The following CMTM8 variants were observed in gnomAD, a reference collection of about 807,000 sequenced individuals.
The protein encoded by CMTM8 is CKLF like MARVEL transmembrane domain containing 8.
CMTM8 carries 12 observed loss-of-function variants against 18.6 expected under a neutral mutation model. The ratio of observed to expected loss-of-function variants is 0.65; its 90% CI spans 0.41 to 1.05. The LOEUF (loss-of-function observed/expected upper bound fraction) is 1.05, where lower values mean the gene tolerates loss of function less well. Among genes scored for constraint, CMTM8 ranks in the 50% least tolerant of loss-of-function variants. The probability of loss-of-function intolerance (pLI) is 0.00; values close to 1 mark genes in which losing one functional copy is unlikely to be tolerated. For missense variants in CMTM8, 217 were observed against 227.2 expected (o/e 0.95, Z 0.29); for synonymous variants, 87 against 90.6 (o/e 0.96, Z 0.23).
chr3:32,260,103 A>G (rs4245885), intron 1 of CMTM8: 293,710 of 1,039,582 alleles, frequency 0.28, 44,216 homozygotes, highest in Non-Finnish European at 0.31. Context: ...GATGGCGAGG[A>G]CTTCAATCTT....
At chr3:32,368,827 T>TA (rs58745528) in intron 3 of CMTM8, among the ~76,000 whole-genome samples, 49,593 of 151,646 alleles carry the variant, frequency 0.33, 8,240 homozygotes, top group East Asian at 0.53. Flanking sequence ...TTTTTCTAAT[T>TA]AAAAAAAACT....
At chr3:32,328,941 C>T (rs1210828339) in intron 1 of CMTM8, among the ~76,000 whole-genome samples, 2 of 152,154 alleles carry the variant, frequency 1.3e-5, no homozygotes, top group Admixed American at 6.5e-5. Flanking sequence ...AAAACTCTTA[C>T]AAAAAATTGA....
At chr3:32,368,273 A>G (rs992309603) in intron 3 of CMTM8, among the ~76,000 whole-genome samples, 3 of 152,206 alleles carry the variant, frequency 2.0e-5, no homozygotes, top group Non-Finnish European at 2.9e-5. Flanking sequence ...GAATAATTCT[A>G]CTGCCTATAA....
intron 3 of CMTM8, among the ~76,000 whole-genome samples, 175 bp downstream of exon 3, chr3:32,368,163 G>A (rs897201638): frequency 3.3e-5 from 5 of 152,212 alleles, no homozygotes; most frequent in African/African-American, 1.2e-4. Flanking sequence ...GGGCCCTCCT[G>A]GCCCGAAGTG....
At chr3:32,308,696 TG>T (rs1559375919) in intron 1 of CMTM8, among the ~76,000 whole-genome samples, 1 of 152,252 alleles carries the variant, frequency 6.6e-6, no homozygotes. Flanking sequence ...CTGCAAGTTA[TG>T]TATGAGGTAC....
intron 1 of CMTM8, chr3:32,259,555 CAAGAAGG>C: frequency 1.2e-6 from 1 of 830,092 alleles, no homozygotes; most frequent in South Asian, 1.3e-5. Flanking sequence ...TCGAGGCTCT[CAAGAAGG>C]AACTGCTCTT....
At chr3:32,256,186 C>A (rs1383506976) in intron 1 of CMTM8, among the ~76,000 whole-genome samples, 1 of 152,130 alleles carries the variant, frequency 6.6e-6, no homozygotes, top group Non-Finnish European at 1.5e-5. Flanking sequence ...GCAGCCTCAG[C>A]CTCCTGTGCA....
intron 1 of CMTM8, among the ~76,000 whole-genome samples, chr3:32,280,790 A>G (rs562805786): frequency 3.0e-4 from 42 of 139,494 alleles, no homozygotes; most frequent in Admixed American, 1.8e-3. Flanking sequence ...GGTGGAGTCG[A>G]CCCTACTCAA....
At chr3:32,242,896 T>C (rs2125526426) in intron 1 of CMTM8, among the ~76,000 whole-genome samples, 1 of 152,014 alleles carries the variant, frequency 6.6e-6, no homozygotes, top group African/African-American at 2.4e-5. Flanking sequence ...CTGGTTCAGT[T>C]GCCCAGGCTG....
chr3:32,367,613 G>A (rs985870282), intron 2 of CMTM8, among the ~76,000 whole-genome samples: 1 of 152,108 alleles, frequency 6.6e-6, no homozygotes, highest in East Asian at 1.9e-4. Flanking sequence ...GGAGCAAACC[G>A]AAGAAGCAAA....
intron 1 of CMTM8, among the ~76,000 whole-genome samples, chr3:32,281,367 G>A (rs1263434332): frequency 6.6e-6 from 1 of 152,152 alleles, no homozygotes; most frequent in Non-Finnish European, 1.5e-5. Context: ...ATCAAGGGGT[G>A]GTGTTGCTTG....
chr3:32,289,846 G>T (rs936279546), intron 1 of CMTM8, among the ~76,000 whole-genome samples: 1 of 152,178 alleles, frequency 6.6e-6, no homozygotes, highest in Non-Finnish European at 1.5e-5. Flanking sequence ...GGGGGAAAAA[G>T]GAGGCCAGTC....
At chr3:32,332,970 CAAG>C (rs1377918945) in intron 1 of CMTM8, among the ~76,000 whole-genome samples, 2 of 152,258 alleles carry the variant, frequency 1.3e-5, no homozygotes, top group African/African-American at 4.8e-5. Context: ...TCTTATAAAA[CAAG>C]AAGGTTTGGA....
intron 1 of CMTM8, among the ~76,000 whole-genome samples, chr3:32,342,303 G>T (rs1047803424): frequency 6.6e-6 from 1 of 152,142 alleles, no homozygotes; most frequent in African/African-American, 2.4e-5. Context: ...TGGGTCAAAT[G>T]AGGTAAGGTA....
intron 1 of CMTM8, among the ~76,000 whole-genome samples, chr3:32,356,428 C>T (rs556242705): frequency 2.0e-5 from 3 of 152,234 alleles, no homozygotes; most frequent in Non-Finnish European, 2.9e-5. Context: ...GTCCAGGACT[C>T]AAGACACCTA....
intron 3 of CMTM8, among the ~76,000 whole-genome samples, chr3:32,369,253 G>T (rs1055851127): frequency 1.3e-5 from 2 of 152,202 alleles, no homozygotes; most frequent in African/African-American, 4.8e-5. Context: ...GGCAGAGGTT[G>T]CAGTGAGCCA....
chr3:32,263,197 C>T lies in CMTM8; in HGVS notation c.147+24078C>T, dbSNP rs190693818. Among the ~76,000 whole-genome samples, 4 of 152,290 alleles carry T rather than the reference C, an allele frequency of 2.6e-5. No homozygotes were observed. The East Asian group carries it at 5.8e-4, about 22-fold the overall frequency. The stretch of plus-strand genomic sequence containing the variant: ...CCCTGAGTAGCCTAACTGGGAGGCA[C>T]CCCCCAGTAGGGGCAGACTGACACC... On this transcript the variant is annotated intron_variant, in intron 1 of 3. Transcript: ENST00000307526.
chr3:32,305,515 A>G (rs1215601042), intron 1 of CMTM8, among the ~76,000 whole-genome samples: 2 of 152,180 alleles, frequency 1.3e-5, no homozygotes, highest in African/African-American at 4.8e-5. Flanking sequence ...GAAGTCCTGG[A>G]CCCTGCCTTC....
intron 1 of CMTM8, among the ~76,000 whole-genome samples, chr3:32,300,297 A>T (rs1053099537): frequency 6.6e-6 from 1 of 152,170 alleles, no homozygotes; most frequent in Admixed American, 6.5e-5. Flanking sequence ...ATGGGGCAGG[A>T]CCCTTTCTGG....
Sources: gnomAD v4.1 joint callset for allele counts (sites outside exome capture counted in the v4.1 genomes callset) on GRCh38, gnomAD v4.1.1 for gene constraint, MANE v1.5 for transcripts, NCBI Gene and HGNC (gene_info 2026-07-23, HGNC 2026-07-21) for gene names.